GSG1L: variants seen among roughly 807,000 people sequenced by gnomAD.
GSG1L encodes the protein GSG1 like.
A neutral mutation model predicts 42.1 loss-of-function variants in GSG1L; 24 were observed. The ratio of observed to expected loss-of-function variants is 0.57; its 90% confidence interval spans 0.41 to 0.80. The LOEUF is 0.80. GSG1L is among the 30% of genes least tolerant of loss of function. The pLI is 0.00. For synonymous variants in GSG1L, 215 were observed against 203.5 expected (o/e 1.06, Z -0.48); for missense variants, 445 against 472.2 (o/e 0.94, Z 0.53).
intron 6 of GSG1L, among the ~76,000 whole-genome samples, chr16:27,797,439 T>C (rs1008391965): frequency 3.3e-5 from 5 of 151,308 alleles, no homozygotes; most frequent in Admixed American, 3.3e-4. Context: ...AGGAGAATTG[T>C]TTGAACTCGA....
intron 2 of GSG1L, among the ~76,000 whole-genome samples, chr16:27,943,833 C>T (rs768309816): frequency 2.6e-5 from 4 of 151,968 alleles, no homozygotes; most frequent in Admixed American, 1.3e-4. Context: ...TCTTTGCCTC[C>T]CAAAGTGCTA....
At chr16:27,948,959 C>G (rs1783335912) in intron 2 of GSG1L, among the ~76,000 whole-genome samples, 1 of 119,902 alleles carries the variant, frequency 8.3e-6, no homozygotes, top group Non-Finnish European at 1.8e-5. Context: ...ATTCTGTTAC[C>G]CAGACTGGAA....
intron 2 of GSG1L, among the ~76,000 whole-genome samples, chr16:27,885,132 T>C (rs930759787): frequency 4.6e-5 from 7 of 152,116 alleles, no homozygotes; most frequent in African/African-American, 1.7e-4. Flanking sequence ...TTTGTTTTGT[T>C]CTTTTTTGTT....
At chr16:27,977,589 G>A (rs965560451) in intron 1 of GSG1L, among the ~76,000 whole-genome samples, 1 of 146,658 alleles carries the variant, frequency 6.8e-6, no homozygotes, top group Middle Eastern at 3.6e-3. Flanking sequence ...AAAAAAAAGG[G>A]CAAGGACACA....
chr16:27,880,903 C>T (rs1021739961), intron 3 of GSG1L, among the ~76,000 whole-genome samples: 1 of 151,448 alleles, frequency 6.6e-6, no homozygotes, highest in Non-Finnish European at 1.5e-5. Context: ...TGGATGCCTG[C>T]CCCCCGAGAC....
chr16:28,028,539 A>G (rs1319534896), intron 1 of GSG1L, among the ~76,000 whole-genome samples: 1 of 152,038 alleles, frequency 6.6e-6, no homozygotes, highest in East Asian at 1.9e-4. Flanking sequence ...AAGACTTAGC[A>G]CTCATTGCAT....
At chr16:27,935,448 G>A (rs2084704773) in intron 2 of GSG1L, among the ~76,000 whole-genome samples, 1 of 152,158 alleles carries the variant, frequency 6.6e-6, no homozygotes, top group Non-Finnish European at 1.5e-5. Context: ...GGGATATTAA[G>A]TCAAAATCTT....
At chr16:27,996,106 CCT>C (rs144993417) in intron 1 of GSG1L, among the ~76,000 whole-genome samples, 11 of 150,766 alleles carry the variant, frequency 7.3e-5, no homozygotes, top group African/African-American at 1.2e-4. Context: ...TAAACAGCGC[CCT>C]CTCTCTCTCT....
intron 2 of GSG1L, among the ~76,000 whole-genome samples, chr16:27,943,919 T>C (rs902103378): frequency 1.3e-5 from 2 of 152,132 alleles, no homozygotes; most frequent in Non-Finnish European, 2.9e-5. Context: ...TATTTTATGT[T>C]GTGCAAGACA....
intron 1 of GSG1L, among the ~76,000 whole-genome samples, chr16:27,977,473 T>A (rs1013652965): frequency 6.9e-6 from 1 of 144,492 alleles, no homozygotes; most frequent in Non-Finnish European, 1.5e-5. Flanking sequence ...GGCACAAGAA[T>A]CGCTGAAACC....
Position 28,045,978 on chromosome 16 carries a change from A to G in GSG1L, c.349+17098T>C, listed in dbSNP as rs537006475. The stretch of plus-strand genomic sequence containing the variant: ...ACCATTGCACTCCAGCCTGGGTGAC[A>G]GAGCAAGACTCTTTCTCCAGAAAAA... On this transcript the variant is annotated intron_variant, in intron 1 of 6. Transcript: ENST00000447459. Among the ~76,000 whole-genome samples, 14 of 152,358 alleles carry G rather than the reference A, an allele frequency of 9.2e-5. No individual in the cohort carries two copies. The East Asian group carries it at 1.5e-3, about 17-fold the overall frequency.
chr16:27,871,935 A>G (rs1213698494), intron 3 of GSG1L, among the ~76,000 whole-genome samples: 1 of 152,216 alleles, frequency 6.6e-6, no homozygotes, highest in Non-Finnish European at 1.5e-5. Flanking sequence ...TTTTGGGGTG[A>G]TGAAAATATT....
At chr16:27,882,759 A>G (rs948236605) in intron 3 of GSG1L, among the ~76,000 whole-genome samples, 1 of 152,112 alleles carries the variant, frequency 6.6e-6, no homozygotes. Flanking sequence ...CACCCAGTCC[A>G]TAGAGGTCAA....
intron 1 of GSG1L, among the ~76,000 whole-genome samples, chr16:28,005,133 G>A (rs1376364412): frequency 6.6e-6 from 1 of 152,048 alleles, no homozygotes; most frequent in African/African-American, 2.4e-5. Context: ...TTTTTTTTGA[G>A]ATGGAGTTTT....
chr16:27,882,092 A>G (rs1174475604), intron 3 of GSG1L, among the ~76,000 whole-genome samples: 1 of 152,164 alleles, frequency 6.6e-6, no homozygotes, highest in Non-Finnish European at 1.5e-5. Context: ...GGAGGGACCC[A>G]GTGGGAGGTA....
At chr16:27,939,815 C>T (rs1394747245) in intron 2 of GSG1L, among the ~76,000 whole-genome samples, 1 of 152,158 alleles carries the variant, frequency 6.6e-6, no homozygotes, top group Admixed American at 6.5e-5. Context: ...ATGCATGCCA[C>T]CATGCCAGGC....
chr16:27,865,020 G>GT (rs2083697416), intron 3 of GSG1L, among the ~76,000 whole-genome samples: 1 of 152,212 alleles, frequency 6.6e-6, no homozygotes, highest in African/African-American at 2.4e-5. Context: ...TGGGAGACAG[G>GT]TTTGTGCTGT....
At chr16:27,867,599 G>A in intron 3 of GSG1L, among the ~76,000 whole-genome samples, 1 of 152,204 alleles carries the variant, frequency 6.6e-6, no homozygotes, top group South Asian at 2.1e-4. Flanking sequence ...GAGACTCCAG[G>A]AGCTCAGCCT....
chr16:27,914,119 A>G (rs1027203841), intron 2 of GSG1L, among the ~76,000 whole-genome samples: 3 of 152,110 alleles, frequency 2.0e-5, no homozygotes, highest in African/African-American at 7.2e-5. Flanking sequence ...GCTTAATAGC[A>G]TTCCATTTTT....
Sources: gnomAD v4.1 joint callset for allele counts (sites outside exome capture counted in the v4.1 genomes callset) on GRCh38, gnomAD v4.1.1 for gene constraint, MANE v1.5 for transcripts, NCBI Gene and HGNC (gene_info 2026-07-23, HGNC 2026-07-21) for gene names.